Variants in ABR observed in about 807,000 individuals in gnomAD.
ABR encodes the protein ABR activator of RhoGEF and GTPase.
ABR carries 35 observed loss-of-function variants against 107.2 expected under a neutral mutation model. The observed-to-expected ratio is 0.33, with a 90% CI of 0.25 to 0.43. The LOEUF (loss-of-function observed/expected upper bound fraction) is 0.43. Ranked by LOEUF, ABR falls within the 20% of genes least tolerant of loss-of-function variation. The probability of loss-of-function intolerance (pLI) is 1.00; values close to 1 mark genes in which losing one functional copy is unlikely to be tolerated. For synonymous variants in ABR, 498 were observed against 462.0 expected (o/e 1.08, Z -1.00); for missense variants, 815 against 1,115.2 (o/e 0.73, Z 3.83).
At chr17:1,178,891 G>GC (rs901029416) in intron 1 of ABR, among the ~76,000 whole-genome samples, 76 of 151,724 alleles carry the variant, frequency 5.0e-4, no homozygotes, top group African/African-American at 1.8e-3. Flanking sequence ...TTCGCCCCAA[G>GC]CCCCCCCACA....
Position 1,050,801 on chromosome 17 carries a change from CT to C in ABR, c.1562-168del, listed in dbSNP as rs2032400327. Among the ~76,000 whole-genome samples, 1 of 152,058 alleles carries C rather than the reference CT, an allele frequency of 6.6e-6. No homozygotes were observed. The highest frequency in any genetic ancestry group is 1.9e-4 in the East Asian group (1 of 5,164). The stretch of plus-strand genomic sequence containing the variant: ...AGCCCGGGACCATCTGGCTTCTCCC[CT>C]GCCCCCTTCTTAGGGGCTCAGCCCT... On this transcript the variant is annotated intron_variant, in intron 14 of 22. Coordinates refer to ENST00000302538, the MANE Select transcript of ABR (RefSeq NM_021962.5). The surrounding 1 kb of genome is among the most constrained non-coding windows in gnomAD (Gnocchi z 4.6).
intron 1 of ABR, among the ~76,000 whole-genome samples, chr17:1,143,765 G>C (rs1293270204): frequency 6.6e-6 from 1 of 152,138 alleles, no homozygotes; most frequent in Non-Finnish European, 1.5e-5. Context: ...CACAGCCTGA[G>C]ACAAAGGAAT....
chr17:1,128,067 C>T (rs147583225), intron 1 of ABR, among the ~76,000 whole-genome samples: 12 of 152,304 alleles, frequency 7.9e-5, no homozygotes, highest in African/African-American at 2.4e-4. Context: ...TGGAGCTGAA[C>T]GCAGGGGGCC....
At chr17:1,009,141 C>A (rs895747261) in intron 21 of ABR, among the ~76,000 whole-genome samples, 2 of 152,054 alleles carry the variant, frequency 1.3e-5, no homozygotes, top group Non-Finnish European at 2.9e-5. Flanking sequence ...TGCATCAAGG[C>A]TTACAATGTA....
At chr17:1,047,533 T>C (rs536003553) in intron 16 of ABR, among the ~76,000 whole-genome samples, 1 of 152,334 alleles carries the variant, frequency 6.6e-6, no homozygotes, top group East Asian at 1.9e-4. Flanking sequence ...GGCCGGGCCT[T>C]GGCATGCTGA....
At chr17:1,091,911 G>A in intron 3 of ABR, 61 bp from the exon 4 acceptor site, 1 of 1,517,028 alleles carries the variant, frequency 6.6e-7, no homozygotes, top group Non-Finnish European at 9.0e-7. Context: ...AGTGTCGGCA[G>A]GCCCCGGGGC....
intron 16 of ABR, among the ~76,000 whole-genome samples, chr17:1,049,107 C>T (rs1019030240): frequency 6.6e-6 from 1 of 152,178 alleles, no homozygotes; most frequent in Non-Finnish European, 1.5e-5. Context: ...ACACAGGCTG[C>T]ACACACAGAG....
chr17:1,160,816 C>T (rs2041257145), intron 1 of ABR, among the ~76,000 whole-genome samples: 1 of 152,198 alleles, frequency 6.6e-6, no homozygotes, highest in Non-Finnish European at 1.5e-5. Flanking sequence ...ACCTATTCTA[C>T]CGTGAATTAT....
intron 1 of ABR, among the ~76,000 whole-genome samples, chr17:1,160,995 A>G (rs1304847902): frequency 6.6e-6 from 1 of 152,156 alleles, no homozygotes; most frequent in Non-Finnish European, 1.5e-5. Flanking sequence ...GGAAGCGGGC[A>G]GGTGTCGCTG....
At position 1,050,309 on chromosome 17, in the gene ABR, T is replaced by A; in HGVS notation, c.1660-128A>T. 1 of 1,287,340 alleles carries A rather than the reference T, an allele frequency of 7.8e-7. No homozygotes were observed. Among genetic ancestry groups the A allele is most frequent in the Non-Finnish European group, 1.1e-6 (1 of 945,852 alleles). 79.7% of individuals were successfully genotyped at this position (1,287,340 alleles called of 1,614,324 possible). ...GGCCCACGAAGGACACGTCAGATTT[T>A]CTGGAGCTCCCAGAGGCCTCCCATC... On this transcript the variant is annotated intron_variant, in intron 15 of 22. Transcript: ENST00000302538. This position sits in a 1 kb window ranked among gnomAD's most constrained non-coding sequence, Gnocchi z 4.6.
chr17:1,198,315 G>A (rs984229995), intron 1 of ABR, among the ~76,000 whole-genome samples: 2 of 151,564 alleles, frequency 1.3e-5, no homozygotes, highest in African/African-American at 2.4e-5. Context: ...GCCCAAGGCC[G>A]AGCTGCTGCT....
intron 2 of ABR, among the ~76,000 whole-genome samples, chr17:1,112,358 A>C (rs1260139439): frequency 6.6e-6 from 1 of 152,248 alleles, no homozygotes; most frequent in East Asian, 1.9e-4. Context: ...AAAGCTTCAC[A>C]GGACAGTGGC....
rs752282599 is a variant in ABR, at chr17:1,058,936, G to A, written c.1183-69C>T. The A allele has an allele frequency of 4.9e-5, 77 of 1,584,868 alleles. No homozygotes were observed. In the African/African-American group the frequency reaches 5.1e-4, roughly 11 times the overall value. On this transcript the variant is annotated intron_variant, in intron 10 of 22. Coordinates refer to ENST00000302538, the MANE Select transcript of ABR (RefSeq NM_021962.5). ...CTTTCTCACGAGCAGCACTAAGCAC[G>A]ACACTCCACTGTGTGTTAACATGCT...
chr17:1,078,837 C>A lies in ABR; in HGVS notation c.700+493G>T. The stretch of plus-strand genomic sequence containing the variant: ...ACCATAGGTGCAGTTACAGCAGAAG[C>A]GAATAATGAGGAGAATCTCCATGGC... On this transcript the variant is annotated intron_variant, in intron 6 of 22. Transcript: ENST00000302538. This position sits in a 1 kb window ranked among gnomAD's most constrained non-coding sequence, Gnocchi z 7.5. 6.5e-7 allele frequency: 1 copy of A among 1,535,572 alleles called. No homozygotes were observed. The highest frequency in any genetic ancestry group is 8.7e-7 in the Non-Finnish European group (1 of 1,146,838).
At chr17:1,173,921 C>T (rs1173816111) in intron 1 of ABR, among the ~76,000 whole-genome samples, 1 of 152,146 alleles carries the variant, frequency 6.6e-6, no homozygotes, top group Non-Finnish European at 1.5e-5. Flanking sequence ...TGCTCAATAG[C>T]TCTCCTCACC....
At chr17:1,147,951 C>T (rs922829529) in intron 1 of ABR, among the ~76,000 whole-genome samples, 1 of 152,228 alleles carries the variant, frequency 6.6e-6, no homozygotes, top group East Asian at 1.9e-4. Context: ...GCCAGGAGCA[C>T]CAACGGCTTA....
chr17:1,159,879 A>G (rs1380861954), intron 1 of ABR, among the ~76,000 whole-genome samples: 1 of 152,204 alleles, frequency 6.6e-6, no homozygotes, highest in African/African-American at 2.4e-5. Context: ...AGGCCCAGGG[A>G]CCTGTGCCTT....
chr17:1,040,577 GC>G (rs2030232129), intron 16 of ABR, among the ~76,000 whole-genome samples: 2 of 152,200 alleles, frequency 1.3e-5, no homozygotes, highest in African/African-American at 4.8e-5. Context: ...CCAGCCAAAG[GC>G]CCCGACCCAG....
chr17:1,081,437 G>A (rs1030546079), intron 5 of ABR, among the ~76,000 whole-genome samples: 2 of 152,162 alleles, frequency 1.3e-5, no homozygotes, highest in South Asian at 4.1e-4. Context: ...CTCCCAGGCA[G>A]AGGGTGACAC....
Sources: allele counts gnomAD v4.1 joint callset (sites outside exome capture counted in the v4.1 genomes callset), GRCh38; gene constraint gnomAD v4.1.1; non-coding constraint Gnocchi (gnomAD v3.1); transcripts MANE v1.5; gene names NCBI Gene and HGNC (gene_info 2026-07-23, HGNC 2026-07-21).